GNA14: variants seen among roughly 807,000 people sequenced by gnomAD.
The protein encoded by GNA14 is guanine nucleotide-binding protein subunit alpha-14.
Under a neutral mutation model 42.0 loss-of-function variants are expected in GNA14, and 50 were observed. That is an observed-to-expected ratio of 1.19 (90% CI 0.95 to 1.51). The LOEUF is 1.51. Among genes scored for constraint, GNA14 ranks in the 40% most tolerant of loss-of-function variants. The pLI, the probability that GNA14 is intolerant of heterozygous loss-of-function variation, is 0.00. For missense variants in GNA14, 473 were observed against 446.2 expected, an observed-to-expected ratio of 1.06 and a Z score of -0.54; for synonymous variants, 173 against 163.1, an observed-to-expected ratio of 1.06 and a Z score of -0.46.
At chr9:77,426,310 T>C (rs1325572965) in intron 5 of GNA14, among the ~76,000 whole-genome samples, 6 of 151,596 alleles carry the variant, frequency 4.0e-5, no homozygotes, top group African/African-American at 1.5e-4. Context: ...GAACTTTTTT[T>C]TTTTTCCTTT....
At chr9:77,644,245 G>A (rs113584832) in intron 1 of GNA14, among the ~76,000 whole-genome samples, 245 of 151,962 alleles carry the variant, frequency 1.6e-3, no homozygotes, top group African/African-American at 4.8e-3. Context: ...CAGAGGGATC[G>A]TTTGAGCCCA....
At chr9:77,456,491 G>C (rs1316857142) in intron 2 of GNA14, 1 of 152,174 alleles carries the variant, frequency 6.6e-6, no homozygotes, top group South Asian at 2.1e-4. Context: ...AGAAAACGAA[G>C]TTCCAGAAAT....
intron 2 of GNA14, among the ~76,000 whole-genome samples, chr9:77,446,479 G>A (rs1319809379): frequency 1.3e-5 from 2 of 152,180 alleles, no homozygotes; most frequent in Non-Finnish European, 2.9e-5. Flanking sequence ...CAGCCTTCCT[G>A]GCAGTGAGGT....
chr9:77,599,939 T>G (rs1039904448), intron 1 of GNA14, among the ~76,000 whole-genome samples: 1 of 152,230 alleles, frequency 6.6e-6, no homozygotes, highest in East Asian at 1.9e-4. Flanking sequence ...AGTATCTCAA[T>G]TTTAAAAGCA....
At chr9:77,508,626 G>A (rs1464098157) in intron 2 of GNA14, among the ~76,000 whole-genome samples, 1 of 152,178 alleles carries the variant, frequency 6.6e-6, no homozygotes, top group Non-Finnish European at 1.5e-5. Flanking sequence ...TTGATAGGGT[G>A]AGAAGCATGT....
chr9:77,509,638 C>A (rs1837127086), intron 2 of GNA14, among the ~76,000 whole-genome samples: 1 of 152,136 alleles, frequency 6.6e-6, no homozygotes, highest in South Asian at 2.1e-4. Context: ...CAAGGATCAC[C>A]AGTGGATGCT....
intron 1 of GNA14, among the ~76,000 whole-genome samples, chr9:77,541,159 G>A (rs1338444304): frequency 1.3e-5 from 2 of 152,050 alleles, no homozygotes; most frequent in Admixed American, 6.5e-5. Context: ...GGTGGTAAAT[G>A]TTGTCCTTTC....
chr9:77,593,837 A>G (rs1823424937), intron 1 of GNA14, among the ~76,000 whole-genome samples: 1 of 152,240 alleles, frequency 6.6e-6, no homozygotes, highest in South Asian at 2.1e-4. Flanking sequence ...AAGAAAAACA[A>G]GTAGAAGTCA....
intron 1 of GNA14, among the ~76,000 whole-genome samples, chr9:77,559,263 C>T (rs1298182134): frequency 6.6e-6 from 1 of 152,196 alleles, no homozygotes; most frequent in Non-Finnish European, 1.5e-5. Flanking sequence ...CTCCTTGGAG[C>T]TTGGTCCCAA....
chr9:77,471,559 G>GA (rs1268978336), intron 2 of GNA14, among the ~76,000 whole-genome samples: 1 of 152,180 alleles, frequency 6.6e-6, no homozygotes, highest in Non-Finnish European at 1.5e-5. Flanking sequence ...TTATGAGAAG[G>GA]TGAAAATCAC....
chr9:77,482,033 C>T (rs1295031891), intron 2 of GNA14, among the ~76,000 whole-genome samples: 1 of 152,122 alleles, frequency 6.6e-6, no homozygotes, highest in Non-Finnish European at 1.5e-5. Flanking sequence ...TTAATTGGAG[C>T]ATTTAGCCCA....
At chr9:77,505,521 T>C (rs944636223) in intron 2 of GNA14, among the ~76,000 whole-genome samples, 11 of 152,216 alleles carry the variant, frequency 7.2e-5, no homozygotes, top group African/African-American at 2.7e-4. Context: ...TCGTAATTCA[T>C]TTTTGTTCTT....
At chr9:77,466,067 TATA>T (rs1270015035) in intron 2 of GNA14, among the ~76,000 whole-genome samples, 7 of 152,250 alleles carry the variant, frequency 4.6e-5, no homozygotes, top group Admixed American at 4.6e-4. Context: ...ACAGTTCGAC[TATA>T]ATGTGTCTGG....
intron 2 of GNA14, chr9:77,526,819 C>A (rs2131766303): frequency 6.6e-6 from 1 of 152,230 alleles, no homozygotes; most frequent in South Asian, 2.1e-4. Flanking sequence ...GATTAGGGGG[C>A]AAACGGAGAT....
chr9:77,444,508 T>C (rs1835783316), intron 2 of GNA14, among the ~76,000 whole-genome samples: 1 of 152,200 alleles, frequency 6.6e-6, no homozygotes, highest in African/African-American at 2.4e-5. Context: ...CACTTGGTTT[T>C]CGTGGGTTCT....
At chr9:77,548,945 T>TTG (rs1837757420) in intron 1 of GNA14, among the ~76,000 whole-genome samples, 1 of 151,844 alleles carries the variant, frequency 6.6e-6, no homozygotes, top group African/African-American at 2.4e-5. Context: ...CTTTTTTTTT[T>TTG]TCTTTTTTTT....
chr9:77,479,253 T>A (rs540083437), intron 2 of GNA14, among the ~76,000 whole-genome samples: 9 of 152,356 alleles, frequency 5.9e-5, no homozygotes, highest in African/African-American at 2.2e-4. Context: ...CGAGCCAGTT[T>A]TCCCAGCACC....
chr9:77,466,272 G>C (rs1243695629), intron 2 of GNA14, among the ~76,000 whole-genome samples: 1 of 152,114 alleles, frequency 6.6e-6, no homozygotes, highest in Non-Finnish European at 1.5e-5. Context: ...GGTGCCCCAT[G>C]TTGATCTGAG....
intron 1 of GNA14, among the ~76,000 whole-genome samples, chr9:77,557,996 C>T (rs1020396413): frequency 6.6e-6 from 1 of 152,140 alleles, no homozygotes; most frequent in African/African-American, 2.4e-5. Flanking sequence ...GGAAGAACCC[C>T]AGCCCCATTT....
Sources: gnomAD v4.1 joint callset for allele counts (sites outside exome capture counted in the v4.1 genomes callset) on GRCh38, gnomAD v4.1.1 for gene constraint, MANE v1.5 for transcripts, NCBI Gene and HGNC (gene_info 2026-07-23, HGNC 2026-07-21) for gene names.